PEX1: variants seen among roughly 807,000 people sequenced by gnomAD.
The protein encoded by PEX1 is peroxisomal biogenesis factor 1.
A neutral mutation model predicts 152.5 loss-of-function variants in PEX1; 97 were observed. The observed-to-expected ratio is 0.64, with a 90% CI of 0.54 to 0.75. The LOEUF (loss-of-function observed/expected upper bound fraction) is 0.75, where lower values mean the gene tolerates loss of function less well. Among genes scored for constraint, PEX1 ranks in the 30% least tolerant of loss-of-function variants. The pLI, the probability that PEX1 is intolerant of heterozygous loss-of-function variation, is 0.00. For synonymous variants in PEX1, 485 were observed against 531.6 expected (o/e 0.91, Z 1.21); for missense variants, 1,357 against 1,516.3 (o/e 0.89, Z 1.74).
In PEX1 at chr7:92,517,542, C is replaced by G. The variant is rs143929592; in HGVS notation, c.973G>C (p.Glu325Gln). Residue 325 changes from glutamate to glutamine, a missense_variant, in exon 5 of 24, where the codon GAG becomes CAG. Coordinates refer to ENST00000248633, the MANE Select transcript of PEX1 (RefSeq NM_000466.3). ...FPWDQEYFDV[E>Q]PSFTVTYGKL... ...CCATATGTCACAGTAAAGCTGGGCT[C>G]TACATCAAAATATTCCTGGTCCCAT... 6.2e-6 allele frequency: 10 copies of G among 1,613,870 alleles called. No homozygotes were observed. In the African/African-American group the frequency reaches 1.2e-4, roughly 19 times the overall value.
chr7:92,515,086 T>TCC (rs1792672293), intron 5 of PEX1, among the ~76,000 whole-genome samples: 1 of 1,548 alleles, frequency 6.5e-4, no homozygotes, highest in African/African-American at 5.2e-3. Context: ...TATATATATA[T>TCC]ATATATATAT....
chr7:92,511,185 G>A (rs1792446925), intron 7 of PEX1, 138 bp from the exon 8 acceptor site: 1 of 609,640 alleles, frequency 1.6e-6, no homozygotes, highest in Non-Finnish European at 2.9e-6. Flanking sequence ...TGCTGCCCAG[G>A]CTGGAGTGCA....
rs372013709 is a variant in PEX1 at position 92,517,615 on chromosome 7, C to T, written c.900G>A (p.Ala300=). Residue 300 remains alanine, a synonymous_variant, in exon 5 of 24, where the codon GCG becomes GCA. Transcript: ENST00000248633. ...GTTTATGAAAAACAGAGGTTGCTGA[C>T]GCGTTATATATACTAGGAGGTTGAG... ...CKSQPPSIYN[A]SATSVFHKHC... is the part of the protein sequence containing the mutation. The T allele has an allele frequency of 1.9e-5, 30 of 1,613,954 alleles. No homozygotes were observed. Among genetic ancestry groups the T allele is most frequent in the East Asian group, 4.5e-5 (2 of 44,868 alleles).
Position 92,517,964 on chromosome 7 carries a change from G to C in PEX1, c.551C>G (p.Ala184Gly), listed in dbSNP as rs1216016760. Residue 184 changes from alanine (A) to glycine (G), a missense_variant, in exon 5 of 24, where the codon GCC becomes GGC. Ala to Gly is a moderately conservative substitution (Grantham distance 60). Coordinates refer to ENST00000248633, the MANE Select transcript of PEX1 (RefSeq NM_000466.3). ...AGCTTTTGAAAATGTATTCTCTTTG[G>C]CTCGGCGTGTCTTTGGCTGAATAAG... ...KLLIQPKTRR[A>G]KENTFSKADA... is the part of the protein sequence containing the mutation. 7 of 1,610,634 alleles carry C rather than the reference G, an allele frequency of 4.3e-6. No individual in the cohort carries two copies. The highest frequency in any genetic ancestry group is 5.9e-6 in the Non-Finnish European group (7 of 1,178,602).
chr7:92,527,817 G>C (rs1793355829), intron 1 of PEX1, among the ~76,000 whole-genome samples: 1 of 152,246 alleles, frequency 6.6e-6, no homozygotes, highest in South Asian at 2.1e-4. Flanking sequence ...TTCCGCGTCA[G>C]CGACGCAGGG....
intron 6 of PEX1, among the ~76,000 whole-genome samples, chr7:92,512,614 C>T (rs760884982): frequency 4.6e-5 from 7 of 152,074 alleles, no homozygotes; most frequent in Non-Finnish European, 8.8e-5. Context: ...GCCTCAGCCT[C>T]CTGAGTAGCT....
chr7:92,491,120 A>C, intron 21 of PEX1, 152 bp downstream of exon 21: 1 of 621,712 alleles, frequency 1.6e-6, no homozygotes, highest in Non-Finnish European at 2.9e-6. Flanking sequence ...GCAAATTACC[A>C]ATTAGTGTAA....
chr7:92,498,494 AAAAT>A (rs1485459988), intron 16 of PEX1, among the ~76,000 whole-genome samples: 2 of 152,338 alleles, frequency 1.3e-5, no homozygotes, highest in East Asian at 3.9e-4. Flanking sequence ...CAAAGAAATA[AAAAT>A]AAATACAGAA....
At position 92,500,049 on chromosome 7, in the gene PEX1, A is replaced by G. The variant is rs555916513; in HGVS notation, c.2584-211T>C. Among the ~76,000 whole-genome samples, 3 of 152,360 alleles carry G rather than the reference A, an allele frequency of 2.0e-5. No individual in the cohort carries two copies. The East Asian group carries it at 5.8e-4, about 29-fold the overall frequency. ...AACTACGACAAATTTTTTCCAATTA[A>G]GAACACATTCTATATAAAATGCATA... On this transcript the variant is annotated intron_variant, in intron 15 of 23. Coordinates refer to ENST00000248633, the MANE Select transcript of PEX1 (RefSeq NM_000466.3).
intron 12 of PEX1, among the ~76,000 whole-genome samples, chr7:92,504,473 G>A (rs1585234929): frequency 6.6e-6 from 1 of 152,056 alleles, no homozygotes; most frequent in East Asian, 1.9e-4. Context: ...GAGTAAATCT[G>A]TAAATTAAAC....
chr7:92,501,366 G>C (rs1791914962), intron 15 of PEX1, 141 bp downstream of exon 15: 2 of 678,430 alleles, frequency 2.9e-6, no homozygotes, highest in Admixed American at 4.8e-5. Context: ...ACCTAAAATA[G>C]TGTTAAGACA....
At chr7:92,519,329 A>G (rs1398033994) in intron 2 of PEX1, among the ~76,000 whole-genome samples, 9 of 152,162 alleles carry the variant, frequency 5.9e-5, no homozygotes, top group Non-Finnish European at 1.2e-4. Flanking sequence ...GGCTCAAGCA[A>G]TCCTCCTGCC....
intron 1 of PEX1, 64 bp downstream of exon 1, chr7:92,528,243 T>C: frequency 1.9e-6 from 3 of 1,540,316 alleles, no homozygotes; most frequent in Non-Finnish European, 2.6e-6. Flanking sequence ...GCCGCGTCCC[T>C]GAGAGGCTTC....
At position 92,499,847 on chromosome 7, in the gene PEX1, C is replaced by CAAAAAAAAAA; in HGVS notation, c.2584-19_2584-10dup. 1 of 1,324,678 alleles carries CAAAAAAAAAA rather than the reference C, an allele frequency of 7.5e-7. No homozygotes were observed. Among genetic ancestry groups the CAAAAAAAAAA allele is most frequent in the Non-Finnish European group, 1.1e-6 (1 of 947,654 alleles). The allele number at this position is 1,324,678 out of a possible 1,614,324, so 82.1% of individuals were successfully genotyped here. Reference sequence around the variant, plus strand: ...GCAAATAATTCTGGATACTGAGAAACAAAAAAAAAAAATATGAAAAAGAGC... The same window carrying CAAAAAAAAAA: ...GCAAATAATTCTGGATACTGAGAAACAAAAAAAAAAAAAAAAAAAAAATATGAAAAAGAGC... On this transcript the variant is annotated splice_polypyrimidine_tract_variant and intron_variant, in intron 15 of 23. Transcript: ENST00000248633.
At chr7:92,501,827 A>G in intron 14 of PEX1, 63 bp downstream of exon 14, 4 of 1,467,818 alleles carry the variant, frequency 2.7e-6, no homozygotes, top group South Asian at 1.1e-5. Context: ...TTGTCTTACT[A>G]CAATTACATT....
rs1467651370 is a variant in PEX1, at chr7:92,513,865, G to T, written c.1342C>A (p.Gln448Lys). 6.3e-7 allele frequency: 1 copy of T among 1,598,582 alleles called. No individual in the cohort carries two copies. The highest frequency in any genetic ancestry group is 8.6e-7 in the Non-Finnish European group (1 of 1,166,450). Residue 448 changes from glutamine (Q) to lysine (K), a missense_variant, in exon 6 of 24, where the codon CAA (glutamine) becomes AAA (lysine). Transcript: ENST00000248633. ...TPKIPRSLKL[Q>K]PRENLPKDIS... Reference sequence around the variant, plus strand: ...GAACTCACTAAATTCTCTCTAGGTTGTAACTTTAGAGATCTTGGAATTTTA... The same window carrying T: ...GAACTCACTAAATTCTCTCTAGGTTTTAACTTTAGAGATCTTGGAATTTTA...
chr7:92,489,894 A>T lies in PEX1; in HGVS notation c.3456T>A (p.Ser1152=). The T allele has an allele frequency of 6.2e-7, 1 of 1,614,010 alleles. No homozygotes were observed. The highest frequency in any genetic ancestry group is 2.2e-5 in the East Asian group (1 of 44,888). Residue 1152 remains serine, a synonymous_variant, in exon 22 of 24, where the codon TCT becomes TCA. Coordinates refer to ENST00000248633, the MANE Select transcript of PEX1 (RefSeq NM_000466.3). ...TSSDLSSQCL[S]APSSMTQDLP... is the part of the protein sequence containing the mutation. ...AATCCTGAGTCATGGAGCTTGGTGC[A>T]GAGAGACATTGTGAGCTCTGCATGG...
Position 92,528,510 on chromosome 7 carries a change from C to T in PEX1, c.-75G>A. The T allele has an allele frequency of 6.8e-7, 1 of 1,479,834 alleles. No homozygotes were observed. Among genetic ancestry groups the T allele is most frequent in the Non-Finnish European group, 9.0e-7 (1 of 1,115,494 alleles). 91.7% of individuals were successfully genotyped at this position (1,479,834 alleles called of 1,614,324 possible). On this transcript the variant is annotated 5_prime_UTR_variant, in exon 1 of 24. Coordinates refer to ENST00000248633, the MANE Select transcript of PEX1 (RefSeq NM_000466.3). ...CCGGGACCCGGCAGGCCGAGGACGT[C>T]GGAGCCGGAGGAGATCGATCGGCCC...
At position 92,496,754 on chromosome 7, in the gene PEX1, G is replaced by A. The variant is rs779097376; in HGVS notation, c.2742C>T (p.Tyr914=). 4.3e-6 allele frequency: 7 copies of A among 1,609,274 alleles called. No homozygotes were observed. Among genetic ancestry groups the A allele is most frequent in the Non-Finnish European group, 5.1e-6 (6 of 1,175,930 alleles). Residue 914 remains tyrosine (Y), a synonymous_variant, in exon 17 of 24, where the codon TAC becomes TAT. Coordinates refer to ENST00000248633, the MANE Select transcript of PEX1 (RefSeq NM_000466.3). ...GAACAGCTTGTTCACTTGCTCCAATGTATTTGCTGAGTAACTCTGGCCCCT... is the reference window on the plus strand; with the variant it reads ...GAACAGCTTGTTCACTTGCTCCAATATATTTGCTGAGTAACTCTGGCCCCT... ...SVKGPELLSK[Y]IGASEQAVRD... is the part of the protein sequence containing the mutation.
Sources: gnomAD v4.1 joint callset for allele counts (sites outside exome capture counted in the v4.1 genomes callset) on GRCh38, gnomAD v4.1.1 for gene constraint, MANE v1.5 for transcripts, NCBI Gene and HGNC (gene_info 2026-07-23, HGNC 2026-07-21) for gene names.